The following SMAP1 variants were observed in gnomAD, a reference collection of about 807,000 sequenced individuals.
SMAP1 encodes stromal membrane-associated protein 1.
A neutral mutation model predicts 58.5 loss-of-function variants in SMAP1; 24 were observed. The observed-to-expected ratio is 0.41, with a 90% CI of 0.30 to 0.58. The LOEUF (loss-of-function observed/expected upper bound fraction) is 0.58, where lower values mean the gene tolerates loss of function less well. Ranked by LOEUF, SMAP1 falls within the 20% of genes least tolerant of loss-of-function variation. The pLI, the probability that SMAP1 is intolerant of heterozygous loss-of-function variation, is 0.29. For synonymous variants in SMAP1, 216 were observed against 196.6 expected (o/e 1.10, Z -0.82); for missense variants, 563 against 566.3 (o/e 0.99, Z 0.06).
At chr6:70,711,183 A>T (rs970982943) in intron 1 of SMAP1, among the ~76,000 whole-genome samples, 88 of 152,206 alleles carry the variant, frequency 5.8e-4, no homozygotes, top group African/African-American at 2.1e-3. Flanking sequence ...ATTATCAAGT[A>T]CATAATTGTG....
intron 1 of SMAP1, among the ~76,000 whole-genome samples, chr6:70,700,932 G>GAC (rs1767601821): frequency 6.6e-6 from 1 of 152,198 alleles, no homozygotes; most frequent in Non-Finnish European, 1.5e-5. Flanking sequence ...TGTCATCGGG[G>GAC]AGCTAGGTCC....
At chr6:70,780,643 G>A (rs535276175) in intron 4 of SMAP1, among the ~76,000 whole-genome samples, 2 of 152,278 alleles carry the variant, frequency 1.3e-5, no homozygotes, top group East Asian at 3.9e-4. Context: ...TACCAGTAGT[G>A]AATCACAATG....
intron 1 of SMAP1, among the ~76,000 whole-genome samples, chr6:70,692,550 G>A (rs1460066020): frequency 1.3e-5 from 2 of 152,172 alleles, no homozygotes; most frequent in African/African-American, 4.8e-5. Context: ...ATAGTTTGAG[G>A]TCTTAGATTT....
chr6:70,848,416 G>C (rs1403721257), intron 7 of SMAP1, among the ~76,000 whole-genome samples: 2 of 152,180 alleles, frequency 1.3e-5, no homozygotes, highest in Non-Finnish European at 2.9e-5. Flanking sequence ...CTATTTTAAA[G>C]TTGTTTTTTA....
intron 1 of SMAP1, among the ~76,000 whole-genome samples, chr6:70,677,420 A>C: frequency 1.6e-5 from 2 of 121,286 alleles, no homozygotes; most frequent in South Asian, 2.7e-4. Context: ...TGAATCCCAT[A>C]CCTTGTCACT....
intron 1 of SMAP1, among the ~76,000 whole-genome samples, chr6:70,703,140 C>A (rs917183497): frequency 2.0e-5 from 3 of 151,950 alleles, no homozygotes; most frequent in African/African-American, 7.3e-5. Flanking sequence ...TTCAGTGACA[C>A]GATATGGCTG....
At chr6:70,818,064 C>A (rs1388761164) in intron 6 of SMAP1, among the ~76,000 whole-genome samples, 1 of 152,052 alleles carries the variant, frequency 6.6e-6, no homozygotes, top group African/African-American at 2.4e-5. Context: ...TCACTTTCTC[C>A]TCTTTCTAAA....
At chr6:70,730,989 CG>C (rs1383466043) in intron 1 of SMAP1, among the ~76,000 whole-genome samples, 1 of 151,930 alleles carries the variant, frequency 6.6e-6, no homozygotes, top group Non-Finnish European at 1.5e-5. Flanking sequence ...TAGTAGAGAC[CG>C]GATTTCACCA....
chr6:70,769,432 G>C (rs916457134), intron 3 of SMAP1, among the ~76,000 whole-genome samples: 1 of 152,116 alleles, frequency 6.6e-6, no homozygotes. Context: ...GAATCTGGGT[G>C]CTCCTGTATT....
intron 3 of SMAP1, among the ~76,000 whole-genome samples, chr6:70,767,827 C>A (rs1767068660): frequency 7.3e-6 from 1 of 136,682 alleles, no homozygotes; most frequent in Admixed American, 7.6e-5. Context: ...CTGTCTTGTG[C>A]CCGTTTTCAA....
chr6:70,677,806 C>G (rs1766547038), intron 1 of SMAP1, among the ~76,000 whole-genome samples: 1 of 151,906 alleles, frequency 6.6e-6, no homozygotes, highest in African/African-American at 2.4e-5. Flanking sequence ...TTTAATTATC[C>G]CAAGCTATAT....
At chr6:70,785,123 C>G (rs1471855313) in intron 4 of SMAP1, among the ~76,000 whole-genome samples, 3 of 152,208 alleles carry the variant, frequency 2.0e-5, no homozygotes, top group South Asian at 2.1e-4. Context: ...ACAGTGCAAT[C>G]AAACTAGAAC....
At chr6:70,829,616 ATT>A (rs1326928313) in intron 6 of SMAP1, among the ~76,000 whole-genome samples, 7 of 152,202 alleles carry the variant, frequency 4.6e-5, no homozygotes, top group African/African-American at 1.7e-4. Flanking sequence ...AAATCATGTC[ATT>A]TAATTTCCTT....
chr6:70,700,089 C>T (rs1465003844), intron 1 of SMAP1, among the ~76,000 whole-genome samples: 1 of 151,998 alleles, frequency 6.6e-6, no homozygotes, highest in Non-Finnish European at 1.5e-5. Flanking sequence ...CTCGTACCTT[C>T]GTGCTGTTCT....
At chr6:70,712,225 G>A (rs12212629) in intron 1 of SMAP1, among the ~76,000 whole-genome samples, 66,068 of 151,990 alleles carry the variant, frequency 0.43, 14,712 homozygotes, top group South Asian at 0.5. Context: ...TTAATGAGGG[G>A]TAATCACCTT....
rs17694576 is a variant in SMAP1 at position 70,668,053 on chromosome 6, T to G, written c.30T>G (p.Ala10=). The change falls in exon 1 of 11, where the codon GCT becomes GCG. Residue 10 remains alanine, a synonymous_variant. Coordinates refer to ENST00000370455, the MANE Select transcript of SMAP1 (RefSeq NM_001044305.3). ...CGACGCGCTCCTGTCGGGAGAAGGC[T>G]CAGAAGCTGAACGAGCAGCACCAGC... The part of the protein sequence containing the change: MATRSCREK[A]QKLNEQHQLI... 2 of 1,603,426 alleles carry G rather than the reference T, an allele frequency of 1.2e-6. No homozygotes were observed. Among genetic ancestry groups the G allele is most frequent in the African/African-American group, 1.4e-5 (1 of 73,340 alleles).
At chr6:70,721,430 A>G (rs1372311686) in intron 1 of SMAP1, among the ~76,000 whole-genome samples, 1 of 152,126 alleles carries the variant, frequency 6.6e-6, no homozygotes, top group East Asian at 1.9e-4. Context: ...CCTGGACCTT[A>G]TTGTCTATAT....
intron 7 of SMAP1, among the ~76,000 whole-genome samples, chr6:70,841,515 G>C (rs1260747759): frequency 1.3e-5 from 2 of 152,118 alleles, no homozygotes; most frequent in African/African-American, 4.8e-5. Context: ...TCTATTCACT[G>C]CTTATATAAA....
intron 3 of SMAP1, among the ~76,000 whole-genome samples, chr6:70,769,134 G>C (rs573224560): frequency 1.2e-4 from 18 of 152,244 alleles, no homozygotes; most frequent in African/African-American, 3.9e-4. Flanking sequence ...TATAATTTCT[G>C]ATCTTTTACA....
Sources: allele counts gnomAD v4.1 joint callset (sites outside exome capture counted in the v4.1 genomes callset), GRCh38; gene constraint gnomAD v4.1.1; transcripts MANE v1.5; gene names NCBI Gene and HGNC (gene_info 2026-07-23, HGNC 2026-07-21).